The following ARIH1 variants were observed in gnomAD, a reference collection of about 807,000 sequenced individuals.
The protein encoded by ARIH1 is E3 ubiquitin-protein ligase ARIH1.
In ARIH1, 8 loss-of-function variants were observed where a neutral mutation model predicts 85.0. That is an observed-to-expected ratio of 0.09 (90% CI 0.06 to 0.17). The LOEUF is 0.17. Among genes scored for constraint, ARIH1 ranks in the 10% least tolerant of loss-of-function variants. ARIH1 has a pLI of 1.00. For missense variants in ARIH1, 311 were observed against 718.1 expected, an observed-to-expected ratio of 0.43 and a Z score of 6.48; for synonymous variants, 238 against 253.6, an observed-to-expected ratio of 0.94 and a Z score of 0.59.
At chr15:72,571,851 T>G (rs2064248934) in intron 10 of ARIH1, among the ~76,000 whole-genome samples, 1 of 152,150 alleles carries the variant, frequency 6.6e-6, no homozygotes, top group Non-Finnish European at 1.5e-5. Context: ...GTGGGGAATT[T>G]CCTATCACTG....
At chr15:72,532,661 G>A (rs1010096784) in intron 2 of ARIH1, among the ~76,000 whole-genome samples, 25 of 152,050 alleles carry the variant, frequency 1.6e-4, no homozygotes, top group African/African-American at 4.8e-4. Flanking sequence ...ACACACGCAC[G>A]CACACAAAAC....
Position 72,474,941 on chromosome 15 carries a change from A to T in ARIH1, c.302A>T (p.Tyr101Phe), listed in dbSNP as rs1206162417. 3 of 1,548,548 alleles carry T rather than the reference A, an allele frequency of 1.9e-6. No individual in the cohort carries two copies. The highest frequency in any genetic ancestry group is 2.5e-5 in the East Asian group (1 of 40,492). ...CATGAGCAGGAGGAGGATTACCGCT[A>T]CGAGGTGCTCACGGCCGAGCAGATT... ...PGHEQEEDYR[Y>F]EVLTAEQILQ... The change falls in exon 1 of 14, where the codon TAC becomes TTC. Residue 101 changes from tyrosine to phenylalanine, a missense_variant. Transcript: ENST00000379887.
At chr15:72,493,986 G>C (rs1401219856) in intron 1 of ARIH1, among the ~76,000 whole-genome samples, 1 of 151,772 alleles carries the variant, frequency 6.6e-6, no homozygotes, top group Non-Finnish European at 1.5e-5. Context: ...CAACTACGTG[G>C]TTCCCTCCCT....
At chr15:72,521,254 T>G (rs1005818670) in intron 2 of ARIH1, among the ~76,000 whole-genome samples, 2 of 144,704 alleles carry the variant, frequency 1.4e-5, no homozygotes, top group African/African-American at 5.1e-5. Flanking sequence ...CTATTTTTTT[T>G]CTAAATACAC....
At chr15:72,506,552 T>C (rs1026915678) in intron 1 of ARIH1, among the ~76,000 whole-genome samples, 3 of 152,058 alleles carry the variant, frequency 2.0e-5, no homozygotes, top group Non-Finnish European at 4.4e-5. Context: ...TTTATAAATA[T>C]TCCTTAGAAT....
In ARIH1 at chr15:72,585,223, G is replaced by A. The variant is rs2064310978; in HGVS notation, c.*1931G>A. The A allele has an allele frequency of 6.6e-6, 1 of 152,000 alleles. No homozygotes were observed. Among genetic ancestry groups the A allele is most frequent in the Non-Finnish European group, 1.5e-5 (1 of 68,004 alleles). 9.4% of individuals were successfully genotyped at this position (152,000 alleles called of 1,614,324 possible). A position where few individuals can be genotyped will look rare whatever the true frequency, so the allele number is the denominator to read the frequency against. ...ATGCTGCTTCCTTAAACCACTTGTC[G>A]CTTTAGGATCAACTTTACCTGTACC... On this transcript the variant is annotated 3_prime_UTR_variant, in exon 14 of 14. Coordinates refer to ENST00000379887, the MANE Select transcript of ARIH1 (RefSeq NM_005744.5).
At chr15:72,556,394 A>G (rs1567355175) in intron 5 of ARIH1, among the ~76,000 whole-genome samples, 1 of 152,248 alleles carries the variant, frequency 6.6e-6, no homozygotes, top group South Asian at 2.1e-4. Context: ...TAGATTGCCC[A>G]TAGAGGAATA....
Position 72,592,719 on chromosome 15 carries a change from C to G in ARIH1, c.*9427C>G, listed in dbSNP as rs1193775006. ...TCTTTCACTGATAATGCTTTAAAGA[C>G]ACGCATACTGTATGTATTAGGACAT... On this transcript the variant is annotated 3_prime_UTR_variant, in exon 14 of 14. Transcript: ENST00000379887. 1 of 152,192 alleles carries G rather than the reference C, an allele frequency of 6.6e-6. No individual in the cohort carries two copies. Among genetic ancestry groups the G allele is most frequent in the Non-Finnish European group, 1.5e-5 (1 of 68,022 alleles). The allele number at this position is 152,192 out of a possible 1,614,324, so 9.4% of individuals were successfully genotyped here. A position where few individuals can be genotyped will look rare whatever the true frequency, so the allele number is the denominator to read the frequency against.
chr15:72,573,228 T>A (rs1160794969), intron 11 of ARIH1, among the ~76,000 whole-genome samples: 1 of 152,226 alleles, frequency 6.6e-6, no homozygotes, highest in African/African-American at 2.4e-5. Context: ...TCTGTCATAT[T>A]GCTAGAAGTG....
intron 1 of ARIH1, among the ~76,000 whole-genome samples, chr15:72,499,172 C>T (rs889301184): frequency 3.3e-5 from 5 of 151,892 alleles, no homozygotes; most frequent in African/African-American, 1.2e-4. Context: ...GACGGGGTTT[C>T]ACCATGTTGG....
intron 2 of ARIH1, among the ~76,000 whole-genome samples, chr15:72,524,290 A>G (rs1418538964): frequency 1.4e-5 from 2 of 146,278 alleles, no homozygotes; most frequent in Non-Finnish European, 3.0e-5. Flanking sequence ...TCGGTTGCCC[A>G]GGCTGGAGTG....
At chr15:72,526,286 C>A (rs1176513188) in intron 2 of ARIH1, among the ~76,000 whole-genome samples, 1 of 152,064 alleles carries the variant, frequency 6.6e-6, no homozygotes, top group East Asian at 1.9e-4. Context: ...AGTCCCTGCC[C>A]TGGAGGGAGG....
chr15:72,561,181 C>G (rs138478499), intron 5 of ARIH1, among the ~76,000 whole-genome samples: 23 of 152,004 alleles, frequency 1.5e-4, no homozygotes, highest in Admixed American at 1.5e-3. Context: ...CCCTGAAATG[C>G]GCTTATACTT....
At chr15:72,526,852 G>C (rs1165052334) in intron 2 of ARIH1, among the ~76,000 whole-genome samples, 1 of 130,098 alleles carries the variant, frequency 7.7e-6, no homozygotes. Flanking sequence ...TTCTTTTACT[G>C]TCTAATGCTT....
chr15:72,540,091 C>T (rs1334049213), intron 2 of ARIH1, among the ~76,000 whole-genome samples: 1 of 151,836 alleles, frequency 6.6e-6, no homozygotes, highest in Non-Finnish European at 1.5e-5. Context: ...AACTCTGTCT[C>T]CACTAAAAAT....
intron 1 of ARIH1, among the ~76,000 whole-genome samples, chr15:72,510,836 G>T (rs1462911027): frequency 6.7e-6 from 1 of 149,986 alleles, no homozygotes; most frequent in Admixed American, 6.7e-5. Flanking sequence ...ATTTATGTGG[G>T]TCTATTTCTG....
intron 2 of ARIH1, among the ~76,000 whole-genome samples, chr15:72,527,839 A>G (rs1168041355): frequency 1.3e-5 from 2 of 152,070 alleles, no homozygotes; most frequent in African/African-American, 4.8e-5. Flanking sequence ...TACCACTTCT[A>G]TTTGAGGTTC....
chr15:72,525,963 AT>A (rs2064026157), intron 2 of ARIH1, among the ~76,000 whole-genome samples: 1 of 152,162 alleles, frequency 6.6e-6, no homozygotes, highest in Non-Finnish European at 1.5e-5. Flanking sequence ...GCATATAAAA[AT>A]TGAGGTTACC....
At chr15:72,530,134 G>A (rs1396896852) in intron 2 of ARIH1, among the ~76,000 whole-genome samples, 2 of 152,166 alleles carry the variant, frequency 1.3e-5, no homozygotes, top group Non-Finnish European at 2.9e-5. Flanking sequence ...AGGAGACTCT[G>A]GGAAACTTCT....
Sources: gnomAD v4.1 joint callset for allele counts (sites outside exome capture counted in the v4.1 genomes callset) on GRCh38, gnomAD v4.1.1 for gene constraint, MANE v1.5 for transcripts, NCBI Gene and HGNC (gene_info 2026-07-23, HGNC 2026-07-21) for gene names.